The following RAD51C variants were observed in gnomAD, a reference collection of about 807,000 sequenced individuals.
RAD51C encodes the protein DNA repair protein RAD51 homolog 3.
RAD51C carries 42 observed loss-of-function variants against 45.0 expected under a neutral mutation model. The observed-to-expected ratio is 0.93, with a 90% CI of 0.73 to 1.21. The LOEUF is 1.21. Ranked by LOEUF, RAD51C falls within the 50% of genes most tolerant of loss-of-function variation. The pLI is 0.00. For synonymous variants in RAD51C, 172 were observed against 159.8 expected (o/e 1.08, Z -0.58); for missense variants, 474 against 452.2 (o/e 1.05, Z -0.44).
intron 8 of RAD51C, among the ~76,000 whole-genome samples, chr17:58,733,892 T>C (rs2049547295): frequency 6.6e-6 from 1 of 152,104 alleles, no homozygotes; most frequent in Non-Finnish European, 1.5e-5. Context: ...CTAATTTTTA[T>C]ATTTTTGGTA....
intron 1 of RAD51C, chr17:58,694,517 G>A (rs1332985005): frequency 6.2e-6 from 1 of 162,070 alleles, no homozygotes; most frequent in Non-Finnish European, 1.3e-5. Flanking sequence ...GTCTCGCACT[G>A]TCATCCAGGC....
At position 58,692,694 on chromosome 17, in the gene RAD51C, C is replaced by T. The variant is rs1598448876; in HGVS notation, c.51C>T (p.Phe17=). 6.2e-7 allele frequency: 1 copy of T among 1,614,248 alleles called. No individual in the cohort carries two copies. The highest frequency in any genetic ancestry group is 8.5e-7 in the Non-Finnish European group (1 of 1,180,056). ...AAATGCAGCGGGATTTGGTGAGTTT[C>T]CCGCTGTCTCCAGCGGTGCGGGTGA... is the stretch of plus-strand genomic sequence containing the variant. The part of the protein sequence containing the change: ...RFEMQRDLVS[F]PLSPAVRVKL... The change falls in exon 1 of 9, where the codon TTC becomes TTT. Residue 17 remains phenylalanine, a synonymous_variant. Transcript: ENST00000337432.
At chr17:58,713,154 G>T (rs1014358550) in intron 5 of RAD51C, among the ~76,000 whole-genome samples, 1 of 151,812 alleles carries the variant, frequency 6.6e-6, no homozygotes, top group Admixed American at 6.6e-5. Context: ...TGAAAATGAG[G>T]TCATATTATA....
In RAD51C at chr17:58,717,566, G is replaced by A. The variant is rs148567615; in HGVS notation, c.838-3180G>A. ...AGCCTGACCAACATGGAGAAACCCC[G>A]TCTTTACCAAAAATACAAGCTTAAC... On this transcript the variant is annotated intron_variant, in intron 5 of 8. Transcript: ENST00000337432. Among the ~76,000 whole-genome samples the A allele has an allele frequency of 3.9e-3, 593 of 152,078 alleles. 2 individuals are homozygous for A. The highest frequency in any genetic ancestry group is 5.8e-3 in the Non-Finnish European group (396 of 67,970).
intron 7 of RAD51C, among the ~76,000 whole-genome samples, chr17:58,729,065 T>C (rs2049292641): frequency 6.6e-6 from 1 of 152,198 alleles, no homozygotes; most frequent in Non-Finnish European, 1.5e-5. Flanking sequence ...TGACCCAAAC[T>C]ATGTAGTTCA....
intron 6 of RAD51C, among the ~76,000 whole-genome samples, chr17:58,723,759 A>C (rs141005946): frequency 4.3e-4 from 66 of 152,234 alleles, no homozygotes; most frequent in African/African-American, 1.5e-3. Context: ...TGGAGGTCAG[A>C]AATACGTTAG....
chr17:58,713,541 G>T (rs1440881832), intron 5 of RAD51C, among the ~76,000 whole-genome samples: 1 of 152,056 alleles, frequency 6.6e-6, no homozygotes, highest in African/African-American at 2.4e-5. Flanking sequence ...GGGCACGGTG[G>T]CTCACACCTA....
intron 4 of RAD51C, among the ~76,000 whole-genome samples, chr17:58,705,612 G>A (rs549246309): frequency 5.9e-5 from 9 of 152,136 alleles, no homozygotes; most frequent in African/African-American, 2.2e-4. Flanking sequence ...GATTACAGGC[G>A]TGAGCCACCG....
intron 4 of RAD51C, among the ~76,000 whole-genome samples, chr17:58,708,584 G>A (rs905060478): frequency 2.6e-5 from 4 of 151,710 alleles, no homozygotes; most frequent in South Asian, 4.2e-4. Context: ...AAAAAACATA[G>A]CATTGGAGTC....
intron 6 of RAD51C, 27 bp downstream of exon 6, chr17:58,720,839 TAGTTTATCAC>T (rs1488675670): frequency 6.4e-7 from 1 of 1,558,332 alleles, no homozygotes; most frequent in Non-Finnish European, 8.8e-7. Flanking sequence ...ATAAACATTT[TAGTTTATCAC>T]AGTTTTTCTT....
chr17:58,694,904 G>T (rs2143716431), intron 1 of RAD51C, 27 bp from the exon 2 acceptor site: 4 of 1,561,336 alleles, frequency 2.6e-6, no homozygotes, highest in Non-Finnish European at 3.5e-6. Flanking sequence ...TAAAATTAGG[G>T]TTCTTTTTTT....
chr17:58,716,193 G>A (rs748504023), intron 5 of RAD51C, among the ~76,000 whole-genome samples: 2 of 151,266 alleles, frequency 1.3e-5, no homozygotes, highest in Non-Finnish European at 1.5e-5. Context: ...CAATCGTTTT[G>A]CAAAAGTAAT....
intron 3 of RAD51C, 54 bp downstream of exon 3, chr17:58,696,913 T>C (rs1341624579): frequency 6.3e-7 from 1 of 1,589,950 alleles, no homozygotes; most frequent in Non-Finnish European, 8.6e-7. Flanking sequence ...TAATTTGCAT[T>C]TGTGCCCATC....
chr17:58,712,177 T>C (rs2048578041), intron 5 of RAD51C, among the ~76,000 whole-genome samples: 1 of 151,684 alleles, frequency 6.6e-6, no homozygotes, highest in Non-Finnish European at 1.5e-5. Flanking sequence ...TGAAACCCCA[T>C]CTCTACTAAA....
At chr17:58,707,477 G>A (rs1301471301) in intron 4 of RAD51C, among the ~76,000 whole-genome samples, 3 of 149,738 alleles carry the variant, frequency 2.0e-5, no homozygotes, top group Non-Finnish European at 3.0e-5. Flanking sequence ...AGCCAAGAAC[G>A]CACCACTGCA....
chr17:58,731,258 GT>G (rs77247264), intron 7 of RAD51C, among the ~76,000 whole-genome samples: 2,205 of 135,142 alleles, frequency 0.016, 39 homozygotes, highest in African/African-American at 0.041. Context: ...CTTAAAAGCA[GT>G]TTTTTTTTTT....
At chr17:58,696,071 G>GAAA (rs71143275) in intron 2 of RAD51C, among the ~76,000 whole-genome samples, 1 of 132,364 alleles carries the variant, frequency 7.6e-6, no homozygotes, top group Admixed American at 7.6e-5. Flanking sequence ...TGTCTCAAAA[G>GAAA]AAAAAAAAAA....
rs2049579322 is a variant in RAD51C at position 58,734,592 on chromosome 17, T to TG, written c.*370_*371insG. ...AACATATCATATTCTTATTGTGTTT[T>TG]TTTTTTTTTTTTTTTTTTTGGAGAT... On this transcript the variant is annotated 3_prime_UTR_variant, in exon 9 of 9. Coordinates refer to ENST00000337432, the MANE Select transcript of RAD51C (RefSeq NM_058216.3). 2 of 186,784 alleles carry TG rather than the reference T, an allele frequency of 1.1e-5. 1 individual carries two copies. Among genetic ancestry groups the TG allele is most frequent in the South Asian group, 1.9e-4 (2 of 10,572 alleles). The allele number at this position is 186,784 out of a possible 1,614,324, so 11.6% of individuals were successfully genotyped here. A position where few individuals can be genotyped will look rare whatever the true frequency, so the allele number is the denominator to read the frequency against.
intron 5 of RAD51C, among the ~76,000 whole-genome samples, chr17:58,719,425 G>A (rs113315076): frequency 1.3e-5 from 2 of 152,090 alleles, no homozygotes; most frequent in East Asian, 2.0e-4. Flanking sequence ...GCTTATGCCT[G>A]TAATCCCAGC....
Sources: allele counts gnomAD v4.1 joint callset (sites outside exome capture counted in the v4.1 genomes callset), GRCh38; gene constraint gnomAD v4.1.1; transcripts MANE v1.5; gene names NCBI Gene and HGNC (gene_info 2026-07-23, HGNC 2026-07-21).